Variants in PTPN13 observed in about 807,000 individuals in gnomAD.
The protein encoded by PTPN13 is tyrosine-protein phosphatase non-receptor type 13.
PTPN13 carries 191 observed loss-of-function variants against 284.0 expected under a neutral mutation model. The ratio of observed to expected loss-of-function variants is 0.67; its 90% CI spans 0.60 to 0.76. The LOEUF is 0.76. Ranked by LOEUF, PTPN13 falls within the 30% of genes least tolerant of loss-of-function variation. The pLI, the probability that PTPN13 is intolerant of heterozygous loss-of-function variation, is 0.00. For missense variants in PTPN13, 2,797 were observed against 2,939.9 expected (o/e 0.95, Z 1.12); for synonymous variants, 986 against 1,022.3 (o/e 0.96, Z 0.68).
intron 7 of PTPN13, among the ~76,000 whole-genome samples, chr4:86,709,380 G>T (rs1271711044): frequency 6.6e-6 from 1 of 152,058 alleles, no homozygotes; most frequent in Non-Finnish European, 1.5e-5. Flanking sequence ...ATTCATAGCT[G>T]TATCCTTAGC....
intron 3 of PTPN13, among the ~76,000 whole-genome samples, chr4:86,685,489 G>A (rs1438896342): frequency 6.6e-6 from 1 of 152,096 alleles, no homozygotes; most frequent in African/African-American, 2.4e-5. Flanking sequence ...CATGCCTTTA[G>A]TCCCAGCTAT....
intron 2 of PTPN13, among the ~76,000 whole-genome samples, chr4:86,654,929 A>G (rs553630458): frequency 1.3e-3 from 205 of 152,304 alleles, no homozygotes; most frequent in African/African-American, 4.9e-3. Context: ...GTGCTCCTGT[A>G]TTGGGTGCAT....
At position 86,720,241 on chromosome 4, in the gene PTPN13, C is replaced by T. The variant is rs182705442; in HGVS notation, c.1386-1971C>T. 3.0e-3 allele frequency among the ~76,000 whole-genome samples: 450 copies of T among 152,262 alleles called. 6 individuals carry two copies. The South Asian group carries it at 0.032, about 11-fold the overall frequency. On this transcript the variant is annotated intron_variant, in intron 9 of 47. Transcript: ENST00000411767. ...AAAACATATTCAAGCGAAATTAAATCATTTTGGGAGCCTTATGTTAATTTT... is the reference window on the plus strand; with the variant it reads ...AAAACATATTCAAGCGAAATTAAATTATTTTGGGAGCCTTATGTTAATTTT...
intron 1 of PTPN13, among the ~76,000 whole-genome samples, chr4:86,600,968 T>G (rs1339596052): frequency 6.6e-6 from 1 of 152,186 alleles, no homozygotes; most frequent in East Asian, 1.9e-4. Flanking sequence ...TTAGCTGAGA[T>G]GTAATTTCAT....
rs371902385 is a variant in PTPN13 at position 86,686,761 on chromosome 4, G to C, written c.346G>C (p.Val116Leu). The change falls in exon 4 of 48, where the codon GTG becomes CTG. Residue 116 changes from valine to leucine, a missense_variant. Physicochemically the swap from Val to Leu is conservative, Grantham distance 32. Coordinates refer to ENST00000411767, the MANE Select transcript of PTPN13 (RefSeq NM_080683.3). Reference sequence around the variant, plus strand: ...ACTGTATTGGGGGGCTGATTATGAAGTGCCTCAGAGCCAAGTAAGTTAAGT... The same window carrying C: ...ACTGTATTGGGGGGCTGATTATGAACTGCCTCAGAGCCAAGTAAGTTAAGT... ...MTLYWGADYE[V>L]PQSQPIKLGD... is the part of the protein sequence containing the mutation. 6.3e-7 allele frequency: 1 copy of C among 1,579,312 alleles called. No individual in the cohort carries two copies. The highest frequency in any genetic ancestry group is 8.6e-7 in the Non-Finnish European group (1 of 1,161,074).
intron 40 of PTPN13, among the ~76,000 whole-genome samples, chr4:86,789,030 C>T (rs1010415594): frequency 6.6e-6 from 1 of 152,088 alleles, no homozygotes; most frequent in Non-Finnish European, 1.5e-5. Context: ...CCATACATAC[C>T]GTGGAGCTGC....
intron 1 of PTPN13, among the ~76,000 whole-genome samples, chr4:86,625,937 A>G (rs137973391): frequency 6.6e-6 from 1 of 152,278 alleles, no homozygotes; most frequent in Non-Finnish European, 1.5e-5. Flanking sequence ...TTTTAAGTCT[A>G]TGTAATTTAG....
chr4:86,796,495 C>T (rs1743360975), intron 40 of PTPN13, among the ~76,000 whole-genome samples: 1 of 151,942 alleles, frequency 6.6e-6, no homozygotes, highest in African/African-American at 2.4e-5. Context: ...TTTTTAATTA[C>T]CTGGGCATGG....
Position 86,734,329 on chromosome 4 carries a change from G to C in PTPN13, c.1885G>C (p.Asp629His). The change falls in exon 13 of 48, where the codon GAC becomes CAC. Residue 629 changes from aspartate to histidine, a missense_variant. Physicochemically the swap from Asp to His is moderately conservative, Grantham distance 81 (BLOSUM62 -1). Coordinates refer to ENST00000411767, the MANE Select transcript of PTPN13 (RefSeq NM_080683.3). ...TAATGAATATTTCTTTGTTGATCCT[G>C]ACTTAAAATTAACCAAAGTGGCCCC... ...KDNEYFFVDP[D>H]LKLTKVAPEG... 1 of 1,534,014 alleles carries C rather than the reference G, an allele frequency of 6.5e-7. No homozygotes were observed. Among genetic ancestry groups the C allele is most frequent in the Non-Finnish European group, 8.8e-7 (1 of 1,135,242 alleles).
At chr4:86,615,834 A>T (rs1238397487) in intron 1 of PTPN13, among the ~76,000 whole-genome samples, 1 of 152,210 alleles carries the variant, frequency 6.6e-6, no homozygotes, top group Non-Finnish European at 1.5e-5. Flanking sequence ...ACATTAAAAG[A>T]TAGACATCAT....
intron 1 of PTPN13, among the ~76,000 whole-genome samples, chr4:86,616,846 T>C (rs1578259045): frequency 6.6e-6 from 1 of 152,268 alleles, no homozygotes; most frequent in South Asian, 2.1e-4. Flanking sequence ...GATATTTCTT[T>C]ACAGCAATGC....
At chr4:86,611,602 A>G (rs1473017279) in intron 1 of PTPN13, among the ~76,000 whole-genome samples, 1 of 152,216 alleles carries the variant, frequency 6.6e-6, no homozygotes, top group Non-Finnish European at 1.5e-5. Context: ...AAGGACAGTG[A>G]TCCGTGAGAG....
intron 23 of PTPN13, among the ~76,000 whole-genome samples, chr4:86,762,101 C>T (rs543119397): frequency 2.0e-5 from 3 of 152,226 alleles, no homozygotes; most frequent in African/African-American, 7.2e-5. Flanking sequence ...GCCTCCCGAG[C>T]AGCTGGGACT....
chr4:86,733,226 T>G (rs1235865275), intron 12 of PTPN13, among the ~76,000 whole-genome samples: 1 of 152,124 alleles, frequency 6.6e-6, no homozygotes, highest in African/African-American at 2.4e-5. Flanking sequence ...ATCTTTTAAA[T>G]ATTGTATCCA....
chr4:86,715,319 A>G (rs1732895615), intron 7 of PTPN13, among the ~76,000 whole-genome samples: 2 of 152,114 alleles, frequency 1.3e-5, no homozygotes, highest in Non-Finnish European at 2.9e-5. Flanking sequence ...AACTTTGATT[A>G]TATATATGTA....
Position 86,809,932 on chromosome 4 carries a change from G to C in PTPN13, c.7247G>C (p.Gly2416Ala). The C allele has an allele frequency of 6.2e-7, 1 of 1,613,854 alleles. No homozygotes were observed. The highest frequency in any genetic ancestry group is 1.1e-5 in the South Asian group (1 of 91,068). The change falls in exon 46 of 48, where the codon GGG becomes GCG. Residue 2416 changes from glycine (G) to alanine (A), a missense_variant. Gly to Ala is a moderately conservative substitution (Grantham distance 60). Coordinates refer to ENST00000411767, the MANE Select transcript of PTPN13 (RefSeq NM_080683.3). ...TGCAGTGCTGGCATTGGACGTTCAG[G>C]GACCCTGATTTGCATAGATGTGGTT... ...THCSAGIGRS[G>A]TLICIDVVLG...
chr4:86,695,910 A>G (rs993829530), intron 6 of PTPN13, among the ~76,000 whole-genome samples: 12 of 152,024 alleles, frequency 7.9e-5, no homozygotes, highest in Non-Finnish European at 1.6e-4. Context: ...TGATTTATTT[A>G]TGTATATATG....
At chr4:86,669,317 A>ATG in intron 2 of PTPN13, among the ~76,000 whole-genome samples, 1 of 142,158 alleles carries the variant, frequency 7.0e-6, no homozygotes, top group African/African-American at 2.5e-5. Context: ...ATATATATAT[A>ATG]GTGCTTAAAA....
In PTPN13 at chr4:86,775,273, T is replaced by C; in HGVS notation, c.5611T>C (p.Leu1871=). The C allele has an allele frequency of 1.2e-6, 2 of 1,613,696 alleles. No individual in the cohort carries two copies. The highest frequency in any genetic ancestry group is 1.7e-6 in the Non-Finnish European group (2 of 1,179,718). ...VRLVIGRVLE[L]PRIPMLPHLL... ...ATTAGTTATTGGACGAGTTCTAGAA[T>C]TACCCAGAATACCAATGTTGCCTCA... Residue 1871 remains leucine, a synonymous_variant, in exon 34 of 48, where the codon TTA becomes CTA. Transcript: ENST00000411767.
Sources: gnomAD v4.1 joint callset for allele counts (sites outside exome capture counted in the v4.1 genomes callset) on GRCh38, gnomAD v4.1.1 for gene constraint, MANE v1.5 for transcripts, NCBI Gene and HGNC (gene_info 2026-07-23, HGNC 2026-07-21) for gene names.